The following KCNMA1 variants were observed in gnomAD, a reference collection of about 807,000 sequenced individuals.
KCNMA1 encodes potassium calcium-activated channel subfamily M alpha 1.
A neutral mutation model predicts 140.0 loss-of-function variants in KCNMA1; 29 were observed. That is an observed-to-expected ratio of 0.21 (90% CI 0.15 to 0.28). KCNMA1 has a LOEUF of 0.28. Ranked by LOEUF, KCNMA1 falls within the 10% of genes least tolerant of loss-of-function variation. The pLI, the probability that KCNMA1 is intolerant of heterozygous loss-of-function variation, is 1.00. For missense variants in KCNMA1, 880 were observed against 1,602.2 expected, an observed-to-expected ratio of 0.55 and a Z score of 7.70; for synonymous variants, 612 against 611.9, an observed-to-expected ratio of 1.00 and a Z score of 0.00.
intron 3 of KCNMA1, among the ~76,000 whole-genome samples, chr10:77,226,937 T>A (rs2051675611): frequency 6.6e-6 from 1 of 152,192 alleles, no homozygotes; most frequent in African/African-American, 2.4e-5. Flanking sequence ...CAAAACATGT[T>A]CTTTTTGTAC....
At chr10:77,075,660 G>A (rs1276518131) in intron 13 of KCNMA1, among the ~76,000 whole-genome samples, 2 of 152,122 alleles carry the variant, frequency 1.3e-5, no homozygotes, top group Non-Finnish European at 2.9e-5. Context: ...TGATTATATA[G>A]AAAAGTTGAG....
At chr10:77,019,580 G>T (rs115785126) in intron 16 of KCNMA1, 43 of 165,862 alleles carry the variant, frequency 2.6e-4, no homozygotes, top group Admixed American at 5.2e-4. Context: ...ACATATTACC[G>T]CAGGGAATGG....
chr10:77,342,438 T>G (rs1455288204), intron 2 of KCNMA1, among the ~76,000 whole-genome samples: 2 of 152,146 alleles, frequency 1.3e-5, no homozygotes, highest in African/African-American at 4.8e-5. Context: ...CTCGATACCA[T>G]AAGAGTGTGG....
intron 2 of KCNMA1, among the ~76,000 whole-genome samples, chr10:77,258,667 T>A (rs1400686786): frequency 6.6e-6 from 1 of 152,174 alleles, no homozygotes; most frequent in African/African-American, 2.4e-5. Flanking sequence ...TGGTTCTCAA[T>A]AGAAGAAGAT....
At chr10:77,239,699 A>T (rs1173284181) in intron 3 of KCNMA1, among the ~76,000 whole-genome samples, 1 of 152,172 alleles carries the variant, frequency 6.6e-6, no homozygotes, top group Non-Finnish European at 1.5e-5. Context: ...GACGCTACCT[A>T]TCACTAACTG....
intron 2 of KCNMA1, among the ~76,000 whole-genome samples, chr10:77,304,045 C>A (rs116856785): frequency 0.03 from 4,498 of 152,240 alleles, 102 homozygotes; most frequent in Non-Finnish European, 0.036. Flanking sequence ...ATGGATACTG[C>A]AGGCCAACAC....
chr10:77,570,580 A>C (rs2070696128), intron 1 of KCNMA1, among the ~76,000 whole-genome samples: 1 of 40,342 alleles, frequency 2.5e-5, no homozygotes, highest in Admixed American at 3.0e-4. Context: ...CACTCTGGGG[A>C]CTGTTGTGGG....
At chr10:77,051,998 G>C (rs1011523061) in intron 14 of KCNMA1, among the ~76,000 whole-genome samples, 3 of 152,194 alleles carry the variant, frequency 2.0e-5, no homozygotes, top group Non-Finnish European at 4.4e-5. Flanking sequence ...CATGTCAGCT[G>C]TCATTATAAG....
At chr10:76,952,518 A>C (rs1041033454) in intron 21 of KCNMA1, among the ~76,000 whole-genome samples, 4 of 152,202 alleles carry the variant, frequency 2.6e-5, no homozygotes, top group Admixed American at 1.3e-4. Flanking sequence ...TCTGTCTCAA[A>C]AAAACAAAAC....
At position 77,637,420 on chromosome 10, in the gene KCNMA1, T is replaced by G; in HGVS notation, c.223A>C (p.Met75Leu). The G allele has an allele frequency of 6.2e-7, 1 of 1,613,688 alleles. No individual in the cohort carries two copies. The highest frequency in any genetic ancestry group is 8.5e-7 in the Non-Finnish European group (1 of 1,179,888). ...CCCCGGCTGTCGCACGGCACCTCCA[T>G]GGTCACCGGGATGATGAGCGCATCC... ...KMDALIIPVT[M>L]EVPCDSRGQR... The change falls in exon 1 of 28, where the codon ATG (methionine) becomes CTG (leucine). Residue 75 changes from methionine to leucine, a missense_variant. Physicochemically the swap from Met to Leu is conservative, Grantham distance 15. Around this residue, in one of 13 missense-constraint regions of KCNMA1, gnomAD observed 31 missense variants for 75.0 expected, o/e 0.41. Coordinates refer to ENST00000286628, the MANE Select transcript of KCNMA1 (RefSeq NM_001161352.2).
chr10:77,374,539 T>C (rs930066262), intron 2 of KCNMA1, among the ~76,000 whole-genome samples: 4 of 152,238 alleles, frequency 2.6e-5, no homozygotes, highest in Non-Finnish European at 5.9e-5. Flanking sequence ...CTTGGCTATT[T>C]GATTAAGTAG....
intron 19 of KCNMA1, among the ~76,000 whole-genome samples, chr10:76,983,048 C>G (rs2080063696): frequency 6.6e-6 from 1 of 152,240 alleles, no homozygotes; most frequent in Non-Finnish European, 1.5e-5. Flanking sequence ...TTGTCTTCAA[C>G]TACTCCAGCT....
intron 1 of KCNMA1, among the ~76,000 whole-genome samples, chr10:77,547,530 A>G (rs572686485): frequency 1.1e-4 from 16 of 152,302 alleles, no homozygotes; most frequent in Admixed American, 1.0e-3. Flanking sequence ...AGGCTGCCCA[A>G]CCGGGCCCAC....
chr10:77,251,165 G>A (rs1228191120), intron 3 of KCNMA1, 30 bp downstream of exon 3: 9 of 1,529,382 alleles, frequency 5.9e-6, no homozygotes, highest in East Asian at 4.5e-5. Context: ...TTTATGAAAC[G>A]AGGGCAAGAA....
chr10:77,354,072 C>T (rs561081940), intron 2 of KCNMA1, among the ~76,000 whole-genome samples: 2 of 152,082 alleles, frequency 1.3e-5, no homozygotes, highest in African/African-American at 2.4e-5. Context: ...CTGCAACCTC[C>T]GCCTCCTGGG....
At position 76,910,106 on chromosome 10, in the gene KCNMA1, G is replaced by C; in HGVS notation, c.3017-10C>G. On this transcript the variant is annotated splice_polypyrimidine_tract_variant and intron_variant, in intron 24 of 27. Transcript: ENST00000286628. The stretch of plus-strand genomic sequence containing the variant: ...ACATTAGTATCGTTCACTAGAAAAA[G>C]CATAAAATAAGAATTAGCTCTGAAG... The C allele has an allele frequency of 6.2e-7, 1 of 1,613,662 alleles. No homozygotes were observed. Among genetic ancestry groups the C allele is most frequent in the Non-Finnish European group, 8.5e-7 (1 of 1,179,714 alleles).
At chr10:77,075,719 T>A (rs959771644) in intron 13 of KCNMA1, among the ~76,000 whole-genome samples, 2 of 152,172 alleles carry the variant, frequency 1.3e-5, no homozygotes, top group African/African-American at 4.8e-5. Flanking sequence ...GGATATTATA[T>A]TTTCTCCAAC....
chr10:77,268,213 C>T (rs1600644786), intron 2 of KCNMA1, among the ~76,000 whole-genome samples: 1 of 152,168 alleles, frequency 6.6e-6, no homozygotes, highest in South Asian at 2.1e-4. Context: ...TGCAGTGCTC[C>T]TGTAGCCACT....
chr10:77,002,139 G>C (rs1264170069), intron 18 of KCNMA1, among the ~76,000 whole-genome samples: 2 of 152,212 alleles, frequency 1.3e-5, no homozygotes, highest in African/African-American at 2.4e-5. Context: ...TGTTAATACA[G>C]TATCTAAGGA....
Sources: gnomAD v4.1 joint callset for allele counts (sites outside exome capture counted in the v4.1 genomes callset) on GRCh38, gnomAD v4.1.1 for gene constraint, gnomAD v4.1.1 regional missense constraint, MANE v1.5 for transcripts, NCBI Gene and HGNC (gene_info 2026-07-23, HGNC 2026-07-21) for gene names.